UGT1A4: variants seen among roughly 807,000 people sequenced by gnomAD.
UGT1A4 encodes the protein UDP glucuronosyltransferase family 1 member A4.
Under a neutral mutation model 41.1 loss-of-function variants are expected in UGT1A4, and 32 were observed. The observed-to-expected ratio is 0.78, with a 90% CI of 0.59 to 1.05. The LOEUF is 1.05. UGT1A4 is among the 50% of genes least tolerant of loss of function. UGT1A4 has a pLI of 0.00. For synonymous variants in UGT1A4, 283 were observed against 265.1 expected (o/e 1.07, Z -0.66); for missense variants, 748 against 677.4 (o/e 1.10, Z -1.16).
intron 1 of UGT1A4, chr2:233,755,019 T>C (rs1378423497): frequency 1.5e-6 from 2 of 1,304,298 alleles, no homozygotes; most frequent in South Asian, 2.3e-5. Flanking sequence ...GAAGGGGTCC[T>C]TGAAGGGCCT....
intron 1 of UGT1A4, among the ~76,000 whole-genome samples, chr2:233,727,119 T>C (rs1478640841): frequency 6.6e-6 from 1 of 152,204 alleles, no homozygotes; most frequent in Non-Finnish European, 1.5e-5. Flanking sequence ...GTCTGTGAGA[T>C]TGGCAGAGGG....
intron 1 of UGT1A4, among the ~76,000 whole-genome samples, chr2:233,738,704 G>A (rs1471185258): frequency 6.6e-6 from 1 of 152,238 alleles, no homozygotes; most frequent in South Asian, 2.1e-4. Flanking sequence ...TAAAAGGGAA[G>A]CAGAGCATAA....
intron 1 of UGT1A4, among the ~76,000 whole-genome samples, chr2:233,726,159 C>T (rs986768021): frequency 9.2e-5 from 14 of 152,064 alleles, no homozygotes; most frequent in African/African-American, 3.4e-4. Flanking sequence ...GAGTGAGGCC[C>T]CATTTCAAAA....
At chr2:233,761,146 T>A in intron 1 of UGT1A4, 1 of 1,614,232 alleles carries the variant, frequency 6.2e-7, no homozygotes, top group Non-Finnish European at 8.5e-7. Flanking sequence ...AAATCCACTA[T>A]CCCAGGTGTG....
intron 1 of UGT1A4, among the ~76,000 whole-genome samples, chr2:233,727,395 G>C (rs1447240084): frequency 2.6e-5 from 4 of 152,142 alleles, no homozygotes; most frequent in Non-Finnish European, 4.4e-5. Context: ...CGTCTTCCAA[G>C]ATACATGGGC....
intron 1 of UGT1A4, chr2:233,729,276 G>A (rs765243640): frequency 3.1e-6 from 5 of 1,614,232 alleles, no homozygotes; most frequent in Admixed American, 3.3e-5. Context: ...TCTTGCGGGA[G>A]CTCCATGCCA....
intron 1 of UGT1A4, among the ~76,000 whole-genome samples, chr2:233,737,276 AC>A (rs2078858274): frequency 1.3e-5 from 2 of 152,320 alleles, no homozygotes; most frequent in South Asian, 2.1e-4. Flanking sequence ...GACACCCCTC[AC>A]CCAGCCAGGC....
intron 1 of UGT1A4, among the ~76,000 whole-genome samples, chr2:233,731,819 C>T (rs1478115630): frequency 1.3e-5 from 2 of 152,132 alleles, no homozygotes; most frequent in Non-Finnish European, 2.9e-5. Context: ...ATGGCTGTGT[C>T]AAATGGTATT....
In UGT1A4 at chr2:233,747,894, T is replaced by C. The variant is rs576515200; in HGVS notation, c.868-19140T>C. 115 of 1,613,584 alleles carry C rather than the reference T, an allele frequency of 7.1e-5. 5 individuals are homozygous for C. In the South Asian group the frequency reaches 1.2e-3, roughly 17 times the overall value. On this transcript the variant is annotated intron_variant, in intron 1 of 4. Coordinates refer to ENST00000373409, the MANE Select transcript of UGT1A4 (RefSeq NM_007120.3). ...CCTGTCCTACCTTTGCCATGCTCTTTCTGCTCCTTATGCAAGCCTTGCCTC... is the reference window on the plus strand; with the variant it reads ...CCTGTCCTACCTTTGCCATGCTCTTCCTGCTCCTTATGCAAGCCTTGCCTC...
intron 1 of UGT1A4, 145 bp from the exon 2 acceptor site, chr2:233,766,889 C>A: frequency 6.8e-7 from 1 of 1,464,614 alleles, no homozygotes; most frequent in Non-Finnish European, 9.0e-7. Context: ...GTAAAACTTA[C>A]ATATTAATAA....
chr2:233,727,556 C>T (rs2077628647), intron 1 of UGT1A4, among the ~76,000 whole-genome samples: 1 of 152,116 alleles, frequency 6.6e-6, no homozygotes, highest in Non-Finnish European at 1.5e-5. Context: ...CACCTGGGCT[C>T]ATCATGAGGG....
intron 1 of UGT1A4, among the ~76,000 whole-genome samples, chr2:233,720,633 T>C (rs2076877142): frequency 6.6e-6 from 1 of 152,112 alleles, no homozygotes; most frequent in South Asian, 2.1e-4. Context: ...ATTGAAATAG[T>C]ACTCTGGGAT....
intron 1 of UGT1A4, among the ~76,000 whole-genome samples, chr2:233,739,452 G>A (rs115541121): frequency 6.6e-6 from 1 of 152,196 alleles, no homozygotes; most frequent in Non-Finnish European, 1.5e-5. Flanking sequence ...AAGCCACAGG[G>A]TTGGAGCTGC....
rs761652085 is a variant in UGT1A4, at chr2:233,739,540, G to A, written c.867+19853G>A. On this transcript the variant is annotated intron_variant, in intron 1 of 4. Transcript: ENST00000373409. ...TGAAGTCAAGGGAGATTATTTTGGA[G>A]CTTTAAGATTTAATGACTGCCCTGC... Among the ~76,000 whole-genome samples, 14 of 152,360 alleles carry A rather than the reference G, an allele frequency of 9.2e-5. No homozygotes were observed. The South Asian group carries it at 2.1e-3, about 23-fold the overall frequency.
At chr2:233,720,871 A>ATTT (rs60621337) in intron 1 of UGT1A4, among the ~76,000 whole-genome samples, 7,391 of 132,696 alleles carry the variant, frequency 0.056, 241 homozygotes, top group Non-Finnish European at 0.067. Context: ...GCTCCTGGCA[A>ATTT]TTTTTTTTTT....
At chr2:233,766,899 A>T in intron 1 of UGT1A4, 135 bp from the exon 2 acceptor site, 2 of 1,486,470 alleles carry the variant, frequency 1.3e-6, no homozygotes, top group Non-Finnish European at 1.8e-6. Flanking sequence ...CATATTAATA[A>T]TTTTTTACTC....
rs750440547 is a variant in UGT1A4, at chr2:233,743,766, C to T, written c.868-23268C>T. 28 of 1,367,250 alleles carry T rather than the reference C, an allele frequency of 2.0e-5. No homozygotes were observed. In the South Asian group the frequency reaches 2.2e-4, roughly 11 times the overall value. The allele number at this position is 1,367,250 out of a possible 1,614,324, so 84.7% of individuals were successfully genotyped here. Reference sequence around the variant, plus strand: ...GCGTCCGACAACACCTCGTAGGCCTCGGCCACCTGCTTGAATCTCCTCTCC... The same window carrying T: ...GCGTCCGACAACACCTCGTAGGCCTTGGCCACCTGCTTGAATCTCCTCTCC... On this transcript the variant is annotated intron_variant, in intron 1 of 4. Coordinates refer to ENST00000373409, the MANE Select transcript of UGT1A4 (RefSeq NM_007120.3).
At chr2:233,724,269 C>T (rs1414363673) in intron 1 of UGT1A4, among the ~76,000 whole-genome samples, 11 of 124,848 alleles carry the variant, frequency 8.8e-5, no homozygotes, top group South Asian at 3.1e-4. Context: ...CCGGACGGGG[C>T]GGCTGGCCGG....
intron 1 of UGT1A4, among the ~76,000 whole-genome samples, chr2:233,752,106 AGAG>A (rs1694895437): frequency 6.6e-6 from 1 of 152,236 alleles, no homozygotes; most frequent in Non-Finnish European, 1.5e-5. Flanking sequence ...AAGTAGAATC[AGAG>A]GAGAAGAAGA....
Sources: allele counts gnomAD v4.1 joint callset (sites outside exome capture counted in the v4.1 genomes callset), GRCh38; gene constraint gnomAD v4.1.1; transcripts MANE v1.5; gene names NCBI Gene and HGNC (gene_info 2026-07-23, HGNC 2026-07-21).